The following AP3B1 variants were observed in gnomAD, a reference collection of about 807,000 sequenced individuals.
AP3B1 encodes AP-3 complex subunit beta-1.
AP3B1 carries 61 observed loss-of-function variants against 132.5 expected under a neutral mutation model. That is an observed-to-expected ratio of 0.46 (90% CI 0.37 to 0.57). The LOEUF (loss-of-function observed/expected upper bound fraction) is 0.57. Ranked by LOEUF, AP3B1 falls within the 20% of genes least tolerant of loss-of-function variation. AP3B1 has a pLI of 0.00. For missense variants in AP3B1, 1,120 were observed against 1,289.4 expected (o/e 0.87, Z 2.01); for synonymous variants, 388 against 438.3 (o/e 0.89, Z 1.43).
intron 17 of AP3B1, among the ~76,000 whole-genome samples, chr5:78,126,504 C>CAAAAAAAAAAAAAAAA (rs70997969): frequency 4.8e-5 from 3 of 62,398 alleles, no homozygotes; most frequent in African/African-American, 1.6e-4. Context: ...GACTCTGTCT[C>CAAAAAAAAAAAAAAAA]AAAAAAAAAA....
chr5:78,127,476 G>T (rs1752510755), intron 17 of AP3B1, among the ~76,000 whole-genome samples: 1 of 152,042 alleles, frequency 6.6e-6, no homozygotes, highest in Admixed American at 6.5e-5. Context: ...TTGAGAAAAA[G>T]AGTATTTATA....
chr5:78,017,537 C>T (rs1580243520), intron 25 of AP3B1, among the ~76,000 whole-genome samples: 1 of 151,908 alleles, frequency 6.6e-6, no homozygotes, highest in Non-Finnish European at 1.5e-5. Flanking sequence ...AGTTAAGGGC[C>T]AGAAAATAGT....
rs1471311137 is a variant in AP3B1 at position 78,175,828 on chromosome 5, A to C, written c.1051T>G (p.Tyr351Asp). The C allele has an allele frequency of 3.7e-6, 6 of 1,610,782 alleles. No homozygotes were observed. Among genetic ancestry groups the C allele is most frequent in the Non-Finnish European group, 8.5e-7 (1 of 1,178,414 alleles). Reference sequence around the variant, plus strand: ...GTTGCTATATTTTGTAGGACAATATACTGCACCTCCCTAGAAATCAAAAGA... The same window carrying C: ...GTTGCTATATTTTGTAGGACAATATCCTGCACCTCCCTAGAAATCAAAAGA... ...RLLRSNREVQ[Y>D]IVLQNIATMS... The change falls in exon 10 of 27, where the codon TAT becomes GAT. Residue 351 changes from tyrosine to aspartate, a missense_variant. Physicochemically the swap from Tyr to Asp is radical, Grantham distance 160 (BLOSUM62 -3). This residue lies in a region of AP3B1 where 906 missense variants were observed against 997.1 expected (regional missense o/e 0.91). Coordinates refer to ENST00000255194, the MANE Select transcript of AP3B1 (RefSeq NM_003664.5).
intron 3 of AP3B1, among the ~76,000 whole-genome samples, chr5:78,233,182 T>A (rs1234850431): frequency 6.6e-6 from 1 of 152,088 alleles, no homozygotes; most frequent in Admixed American, 6.5e-5. Flanking sequence ...AGTTTTCATG[T>A]CTCCTTGGTC....
intron 5 of AP3B1, among the ~76,000 whole-genome samples, chr5:78,226,049 A>G (rs565096768): frequency 6.6e-6 from 1 of 152,244 alleles, no homozygotes; most frequent in South Asian, 2.1e-4. Context: ...TCACTGATAG[A>G]GACATGCATT....
chr5:78,286,181 G>C (rs1749272055), intron 1 of AP3B1, among the ~76,000 whole-genome samples: 1 of 151,984 alleles, frequency 6.6e-6, no homozygotes, highest in Non-Finnish European at 1.5e-5. Context: ...CTCAACCTAG[G>C]CTTTAAAAAC....
chr5:78,052,827 G>A (rs1313247823), intron 22 of AP3B1, among the ~76,000 whole-genome samples: 4 of 152,248 alleles, frequency 2.6e-5, no homozygotes, highest in South Asian at 4.1e-4. Context: ...TATCACGTAC[G>A]TGGTAAATAG....
intron 2 of AP3B1, among the ~76,000 whole-genome samples, chr5:78,256,335 TTAC>T (rs1747845853): frequency 1.3e-5 from 2 of 151,898 alleles, no homozygotes; most frequent in African/African-American, 4.8e-5. Flanking sequence ...AAAGAAGATA[TTAC>T]AACTGATGCT....
chr5:78,151,627 C>T (rs988963701), intron 14 of AP3B1, among the ~76,000 whole-genome samples: 1 of 151,990 alleles, frequency 6.6e-6, no homozygotes, highest in Non-Finnish European at 1.5e-5. Flanking sequence ...GTTTTTTGTC[C>T]CTCATTCTGT....
intron 2 of AP3B1, among the ~76,000 whole-genome samples, chr5:78,244,955 C>T (rs1406943016): frequency 6.6e-6 from 1 of 151,832 alleles, no homozygotes; most frequent in African/African-American, 2.4e-5. Flanking sequence ...AGATCGCACC[C>T]CTGCACTCCA....
intron 14 of AP3B1, among the ~76,000 whole-genome samples, chr5:78,143,914 A>G (rs1753267837): frequency 6.6e-6 from 1 of 152,114 alleles, no homozygotes; most frequent in Non-Finnish European, 1.5e-5. Flanking sequence ...CTAAGGTAAA[A>G]GAATCACTTG....
intron 3 of AP3B1, among the ~76,000 whole-genome samples, chr5:78,240,191 C>G (rs1747065274): frequency 6.6e-6 from 1 of 152,110 alleles, no homozygotes; most frequent in African/African-American, 2.4e-5. Flanking sequence ...AAATGGCAAA[C>G]AAATAGTAGC....
intron 22 of AP3B1, among the ~76,000 whole-genome samples, chr5:78,057,678 G>C (rs577254586): frequency 5.9e-5 from 9 of 152,092 alleles, no homozygotes; most frequent in African/African-American, 2.2e-4. Flanking sequence ...TTTATTCTAT[G>C]ATTTACTTAA....
At position 78,149,431 on chromosome 5, in the gene AP3B1, G is replaced by A. The variant is rs116722485; in HGVS notation, c.1473+6827C>T. ...ATATTTTTAAGGTACTTAGAATAGT[G>A]CCTGGCAAATGATATGCTCTATAGG... On this transcript the variant is annotated intron_variant, in intron 14 of 26. Transcript: ENST00000255194. Among the ~76,000 whole-genome samples the A allele has an allele frequency of 8.7e-3, 1,317 of 152,162 alleles. 17 individuals carry two copies. Among genetic ancestry groups the A allele is most frequent in the Non-Finnish European group, 0.014 (974 of 67,998 alleles).
At chr5:78,263,424 C>T (rs1425041821) in intron 2 of AP3B1, among the ~76,000 whole-genome samples, 1 of 152,156 alleles carries the variant, frequency 6.6e-6, no homozygotes, top group African/African-American at 2.4e-5. Flanking sequence ...GGGTTTTCTA[C>T]ATATAAGATG....
intron 14 of AP3B1, among the ~76,000 whole-genome samples, chr5:78,145,419 C>T (rs1335372853): frequency 1.3e-5 from 2 of 152,108 alleles, no homozygotes; most frequent in Non-Finnish European, 2.9e-5. Flanking sequence ...AAGAAACTTG[C>T]CCACATCTCA....
intron 6 of AP3B1, among the ~76,000 whole-genome samples, chr5:78,223,027 C>CTCTTT (rs66493022): frequency 1.6e-5 from 2 of 127,818 alleles, no homozygotes; most frequent in Non-Finnish European, 3.3e-5. Flanking sequence ...TTGTTTGTTT[C>CTCTTT]TTTTTTTTTT....
chr5:78,231,115 A>C (rs1015374122), intron 3 of AP3B1, among the ~76,000 whole-genome samples: 29 of 152,112 alleles, frequency 1.9e-4, no homozygotes, highest in African/African-American at 6.5e-4. Flanking sequence ...GCAAGACACC[A>C]TCTGAAAAAA....
At chr5:78,253,027 AAG>A (rs1747706026) in intron 2 of AP3B1, among the ~76,000 whole-genome samples, 2 of 152,110 alleles carry the variant, frequency 1.3e-5, no homozygotes, top group South Asian at 4.1e-4. Flanking sequence ...CAAAACAGAG[AAG>A]AGAGAGACTC....
Sources: allele counts gnomAD v4.1 joint callset (sites outside exome capture counted in the v4.1 genomes callset), GRCh38; gene constraint gnomAD v4.1.1; regional missense constraint gnomAD v4.1.1; transcripts MANE v1.5; gene names NCBI Gene and HGNC (gene_info 2026-07-23, HGNC 2026-07-21).